LMBR1: variants seen among roughly 807,000 people sequenced by gnomAD.
LMBR1 encodes limb region 1 protein homolog.
In LMBR1, 52 loss-of-function variants were observed where a neutral mutation model predicts 73.9. The observed-to-expected ratio is 0.70, with a 90% CI of 0.56 to 0.89. The LOEUF is 0.89. Ranked by LOEUF, LMBR1 falls within the 40% of genes least tolerant of loss-of-function variation. The probability of loss-of-function intolerance (pLI) is 0.00; values close to 1 mark genes in which losing one functional copy is unlikely to be tolerated. For synonymous variants in LMBR1, 215 were observed against 209.4 expected (o/e 1.03, Z -0.23); for missense variants, 539 against 579.8 (o/e 0.93, Z 0.72).
intron 15 of LMBR1, among the ~76,000 whole-genome samples, chr7:156,712,445 A>G (rs1186980740): frequency 3.9e-5 from 6 of 152,232 alleles, no homozygotes; most frequent in Non-Finnish European, 4.4e-5. Context: ...CTATGGAAAA[A>G]CAGTATGGAG....
chr7:156,794,720 C>A (rs1829807052), intron 5 of LMBR1, among the ~76,000 whole-genome samples: 1 of 152,148 alleles, frequency 6.6e-6, no homozygotes, highest in African/African-American at 2.4e-5. Context: ...GGTACTATTA[C>A]ACAAGAGGTA....
intron 5 of LMBR1, among the ~76,000 whole-genome samples, chr7:156,786,310 A>G (rs1828094712): frequency 6.6e-6 from 1 of 152,034 alleles, no homozygotes; most frequent in African/African-American, 2.4e-5. Flanking sequence ...AAAAGAAGAA[A>G]AAGGTTAGCA....
intron 4 of LMBR1, among the ~76,000 whole-genome samples, chr7:156,806,598 CTTTTTTTTTTTTTTTT>C (rs71189962): frequency 6.7e-5 from 3 of 44,672 alleles, no homozygotes; most frequent in East Asian, 7.3e-4. Context: ...TTTGTAGATG[CTTTTTTTTTTTTTTTT>C]TTTTTTTTTT....
chr7:156,720,408 T>C (rs910821828), intron 15 of LMBR1, among the ~76,000 whole-genome samples: 3 of 152,310 alleles, frequency 2.0e-5, no homozygotes, highest in South Asian at 2.1e-4. Context: ...ACAGACATTT[T>C]CTCAGACAGG....
chr7:156,826,863 T>C (rs1434021712), intron 3 of LMBR1, 119 bp from the exon 4 acceptor site: 1 of 913,446 alleles, frequency 1.1e-6, no homozygotes, highest in Non-Finnish European at 1.6e-6. Context: ...TTAAGAACTT[T>C]ATTAAATATA....
At chr7:156,805,954 CATCCGTGAGCCAAGA>C (rs1831981669) in intron 4 of LMBR1, among the ~76,000 whole-genome samples, 1 of 152,142 alleles carries the variant, frequency 6.6e-6, no homozygotes. Context: ...AGGAGACAAC[CATCCGTGAGCCAAGA>C]ATAGGGTCCT....
At chr7:156,710,980 A>G (rs191512142) in intron 15 of LMBR1, among the ~76,000 whole-genome samples, 54 of 152,320 alleles carry the variant, frequency 3.5e-4, no homozygotes, top group African/African-American at 1.2e-3. Context: ...TTAGCCAAGG[A>G]GGTGAAAGAT....
rs747128466 is a variant in LMBR1 at position 156,763,794 on chromosome 7, C to A, written c.425G>T (p.Gly142Val). The A allele has an allele frequency of 1.9e-6, 3 of 1,585,564 alleles. No individual in the cohort carries two copies. The highest frequency in any genetic ancestry group is 1.4e-5 in the African/African-American group (1 of 73,052). ...AGTCTCTAAAATGCGGGCTCGGATT[C>A]CCTGAAAAATAGAGTAGAAATATAA... is the stretch of plus-strand genomic sequence containing the variant. ...ESEGFAGLKK[G>V]IRARILETLV... The change falls in exon 6 of 17, where the codon GGA (glycine) becomes GTA (valine). Residue 142 changes from glycine (G) to valine (V), a missense_variant and splice_region_variant. Physicochemically the swap from Gly to Val is moderately radical, Grantham distance 109 (BLOSUM62 -3). Around this residue, in one of 3 missense-constraint regions of LMBR1, gnomAD observed 454 missense variants for 473.4 expected, o/e 0.96. Transcript: ENST00000353442.
intron 15 of LMBR1, among the ~76,000 whole-genome samples, chr7:156,690,520 G>C (rs1251183789): frequency 1.3e-5 from 2 of 152,148 alleles, no homozygotes; most frequent in African/African-American, 4.8e-5. Flanking sequence ...GGTATGTTTT[G>C]CAAAACGGGA....
At chr7:156,748,047 GGA>G (rs1444435657) in intron 9 of LMBR1, 1 of 152,146 alleles carries the variant, frequency 6.6e-6, no homozygotes, top group Admixed American at 6.5e-5. Flanking sequence ...TATCTACAAA[GGA>G]GAGAGTCAGC....
At chr7:156,746,724 A>G (rs1394923545) in intron 9 of LMBR1, among the ~76,000 whole-genome samples, 1 of 152,188 alleles carries the variant, frequency 6.6e-6, no homozygotes, top group East Asian at 1.9e-4. Context: ...TACCTAAGGG[A>G]GAAATGTAAG....
At chr7:156,673,370 GTA>G (rs1243349430), downstream of LMBR1, among the ~76,000 whole-genome samples, 11 of 152,276 alleles carry the variant, frequency 7.2e-5, no homozygotes, top group Admixed American at 2.0e-4. Context: ...CTTTTACAAT[GTA>G]TAGAGAACTC....
chr7:156,825,414 G>A (rs1485042076), intron 4 of LMBR1, among the ~76,000 whole-genome samples: 4 of 152,090 alleles, frequency 2.6e-5, no homozygotes, highest in Non-Finnish European at 1.5e-5. Flanking sequence ...AAATTCCTAA[G>A]AGCTATAATT....
chr7:156,848,907 G>A (rs1299853821), intron 1 of LMBR1, among the ~76,000 whole-genome samples: 2 of 148,754 alleles, frequency 1.3e-5, no homozygotes, highest in Non-Finnish European at 3.0e-5. Flanking sequence ...CCGCAGCCTG[G>A]GCGACAAAGC....
At chr7:156,744,848 T>A (rs912859453) in intron 9 of LMBR1, among the ~76,000 whole-genome samples, 6 of 152,114 alleles carry the variant, frequency 3.9e-5, no homozygotes, top group African/African-American at 1.4e-4. Flanking sequence ...AGGGGAGAAA[T>A]CATTTCCTTG....
chr7:156,879,583 G>C (rs1334307673), intron 1 of LMBR1, among the ~76,000 whole-genome samples: 1 of 147,914 alleles, frequency 6.8e-6, no homozygotes, highest in Admixed American at 6.9e-5. Context: ...AGAATGGCGT[G>C]AACCCGAGAG....
chr7:156,845,305 G>A (rs1347118296), intron 1 of LMBR1, among the ~76,000 whole-genome samples: 1 of 151,974 alleles, frequency 6.6e-6, no homozygotes, highest in Non-Finnish European at 1.5e-5. Context: ...ATGCAGCCTG[G>A]GCAATGGAGC....
At chr7:156,805,715 AAG>A (rs1379826240) in intron 4 of LMBR1, among the ~76,000 whole-genome samples, 1 of 152,222 alleles carries the variant, frequency 6.6e-6, no homozygotes, top group Non-Finnish European at 1.5e-5. Context: ...TATCAATTTG[AAG>A]AGAGCTGACC....
intron 16 of LMBR1, among the ~76,000 whole-genome samples, chr7:156,686,381 TA>T (rs1375468577): frequency 6.6e-6 from 1 of 151,398 alleles, no homozygotes; most frequent in Non-Finnish European, 1.5e-5. Context: ...AAAAAATCTC[TA>T]CAAAAAAAAA....
Sources: allele counts gnomAD v4.1 joint callset (sites outside exome capture counted in the v4.1 genomes callset), GRCh38; gene constraint gnomAD v4.1.1; regional missense constraint gnomAD v4.1.1; transcripts MANE v1.5; gene names NCBI Gene and HGNC (gene_info 2026-07-23, HGNC 2026-07-21).